Variants in BACH2 observed in about 807,000 individuals in gnomAD.
BACH2 encodes BACH transcriptional regulator 2, also known as transcription regulator protein BACH2.
BACH2 carries 5 observed loss-of-function variants against 61.8 expected under a neutral mutation model. That is an observed-to-expected ratio of 0.08 (90% CI 0.04 to 0.17). The LOEUF is 0.17. Among genes scored for constraint, BACH2 ranks in the 10% least tolerant of loss-of-function variants. The probability of loss-of-function intolerance (pLI) is 1.00; values close to 1 mark genes in which losing one functional copy is unlikely to be tolerated. For synonymous variants in BACH2, 446 were observed against 440.1 expected (o/e 1.01, Z -0.17); for missense variants, 824 against 1,091.1 (o/e 0.76, Z 3.45).
chr6:90,172,125 G>A (rs1292078270), intron 4 of BACH2, among the ~76,000 whole-genome samples: 3 of 151,990 alleles, frequency 2.0e-5, no homozygotes, highest in African/African-American at 7.2e-5. Flanking sequence ...GACCAAAATG[G>A]GCAAACCCCA....
Position 90,225,548 on chromosome 6 carries a change from C to T in BACH2, c.-274-18867G>A, listed in dbSNP as rs535939049. Among the ~76,000 whole-genome samples, 18 of 151,988 alleles carry T rather than the reference C, an allele frequency of 1.2e-4. No individual in the cohort carries two copies. The South Asian group carries it at 2.7e-3, about 23-fold the overall frequency. On this transcript the variant is annotated intron_variant, in intron 3 of 8. Coordinates refer to ENST00000257749, the MANE Select transcript of BACH2 (RefSeq NM_021813.4). ...CAAACACCACATGTTCACACTTATA[C>T]GTGGGAGCTGAACAATGAGAACGCA...
intron 6 of BACH2, among the ~76,000 whole-genome samples, chr6:89,967,686 A>G (rs2128360395): frequency 6.6e-6 from 1 of 152,326 alleles, no homozygotes; most frequent in Middle Eastern, 3.4e-3. Context: ...GTGGGAGGCC[A>G]GGGCTTAAGA....
intron 5 of BACH2, among the ~76,000 whole-genome samples, chr6:90,012,962 C>T (rs539368506): frequency 2.2e-3 from 340 of 152,120 alleles, no homozygotes; most frequent in Non-Finnish European, 4.1e-3. Flanking sequence ...CCCTCAGCAA[C>T]GTTTTATGGT....
intron 3 of BACH2, among the ~76,000 whole-genome samples, chr6:90,235,203 G>A (rs1016511862): frequency 1.3e-5 from 2 of 152,204 alleles, no homozygotes; most frequent in Non-Finnish European, 2.9e-5. Flanking sequence ...AGAAATGCTG[G>A]TTGCATTCAT....
chr6:90,107,403 A>C (rs889907000), intron 4 of BACH2, among the ~76,000 whole-genome samples: 2 of 152,130 alleles, frequency 1.3e-5, no homozygotes, highest in African/African-American at 2.4e-5. Flanking sequence ...CAAAACAAAA[A>C]AAACACCCCA....
intron 4 of BACH2, among the ~76,000 whole-genome samples, chr6:90,161,841 T>C (rs1237906353): frequency 2.0e-5 from 3 of 152,138 alleles, no homozygotes; most frequent in Admixed American, 6.5e-5. Context: ...GAAGGCACCA[T>C]TCAAATAGAC....
chr6:90,207,211 T>C (rs991466253), intron 3 of BACH2, among the ~76,000 whole-genome samples: 1 of 152,108 alleles, frequency 6.6e-6, no homozygotes, highest in Non-Finnish European at 1.5e-5. Flanking sequence ...CTCAACCTTC[T>C]CGGCTACAGT....
intron 1 of BACH2, among the ~76,000 whole-genome samples, chr6:90,282,362 C>A (rs185337974): frequency 8.5e-5 from 13 of 152,140 alleles, no homozygotes; most frequent in African/African-American, 2.6e-4. Context: ...TATGTCCATG[C>A]GTTTTCATCA....
chr6:90,249,222 A>G (rs1407192837), intron 3 of BACH2, among the ~76,000 whole-genome samples: 1 of 152,152 alleles, frequency 6.6e-6, no homozygotes, highest in Non-Finnish European at 1.5e-5. Context: ...AGGGTTTGCT[A>G]AACATCAGCT....
chr6:90,245,610 T>C (rs1252949167), intron 3 of BACH2, among the ~76,000 whole-genome samples: 1 of 152,212 alleles, frequency 6.6e-6, no homozygotes, highest in East Asian at 1.9e-4. Context: ...CAGACATTTC[T>C]AAACTGGCTA....
At chr6:90,294,770 G>A (rs1772285533) in intron 1 of BACH2, among the ~76,000 whole-genome samples, 1 of 152,200 alleles carries the variant, frequency 6.6e-6, no homozygotes, top group South Asian at 2.1e-4. Context: ...CTCCGCCAAA[G>A]GAGGGGCAGC....
chr6:90,139,932 G>C (rs1784409291), intron 4 of BACH2, among the ~76,000 whole-genome samples: 1 of 152,148 alleles, frequency 6.6e-6, no homozygotes, highest in South Asian at 2.1e-4. Context: ...TAAATAACAT[G>C]GAAGTTTATT....
intron 5 of BACH2, among the ~76,000 whole-genome samples, chr6:90,077,078 C>T (rs577791748): frequency 6.6e-6 from 1 of 152,232 alleles, no homozygotes; most frequent in South Asian, 2.1e-4. Flanking sequence ...CCCCGCCTGG[C>T]CAGTACCCTC....
At chr6:90,197,015 T>C (rs1423597330) in intron 4 of BACH2, among the ~76,000 whole-genome samples, 1 of 152,208 alleles carries the variant, frequency 6.6e-6, no homozygotes, top group Non-Finnish European at 1.5e-5. Context: ...ATTCTGCAAA[T>C]TGTAAATAGG....
chr6:89,982,595 C>T (rs1374215311), intron 6 of BACH2, among the ~76,000 whole-genome samples: 2 of 152,072 alleles, frequency 1.3e-5, no homozygotes, highest in Non-Finnish European at 2.9e-5. Context: ...TATAGCTGTG[C>T]TTTTTAGGAG....
chr6:89,934,169 G>A (rs1213352624), intron 8 of BACH2, among the ~76,000 whole-genome samples: 1 of 152,198 alleles, frequency 6.6e-6, no homozygotes, highest in East Asian at 1.9e-4. Context: ...GCAGTCTGGA[G>A]CAGCGATTCT....
At chr6:89,939,714 G>C (rs1414736857) in intron 7 of BACH2, among the ~76,000 whole-genome samples, 1 of 142,262 alleles carries the variant, frequency 7.0e-6, no homozygotes, top group East Asian at 2.0e-4. Context: ...ACTCAGGCTG[G>C]AGTGGAGTGT....
chr6:89,957,742 T>C (rs1219044084), intron 6 of BACH2, among the ~76,000 whole-genome samples: 1 of 152,170 alleles, frequency 6.6e-6, no homozygotes, highest in Non-Finnish European at 1.5e-5. Context: ...GGTTTCACTA[T>C]GTTGCCCAGG....
intron 3 of BACH2, among the ~76,000 whole-genome samples, chr6:90,211,740 T>C (rs1380818806): frequency 6.6e-6 from 1 of 152,094 alleles, no homozygotes; most frequent in Non-Finnish European, 1.5e-5. Context: ...ATGATGTCCA[T>C]TCTAGAAGCC....
Sources: allele counts gnomAD v4.1 joint callset (sites outside exome capture counted in the v4.1 genomes callset), GRCh38; gene constraint gnomAD v4.1.1; transcripts MANE v1.5; gene names NCBI Gene and HGNC (gene_info 2026-07-23, HGNC 2026-07-21).